The following PRSS23 variants were observed in gnomAD, a reference collection of about 807,000 sequenced individuals.
PRSS23 encodes the protein serine protease 23.
Under a neutral mutation model 34.7 loss-of-function variants are expected in PRSS23, and 25 were observed. The observed-to-expected ratio is 0.72, with a 90% CI of 0.53 to 1.01. PRSS23 has a LOEUF of 1.01. Ranked by LOEUF, PRSS23 falls within the 50% of genes least tolerant of loss-of-function variation. PRSS23 has a pLI of 0.00. For synonymous variants in PRSS23, 176 were observed against 186.6 expected (o/e 0.94, Z 0.46); for missense variants, 445 against 475.6 (o/e 0.94, Z 0.60).
chr11:86,886,981 C>T (rs1224440103), intron 2 of PRSS23, among the ~76,000 whole-genome samples: 1 of 151,984 alleles, frequency 6.6e-6, no homozygotes, highest in Non-Finnish European at 1.5e-5. Context: ...TTCCCAAGAC[C>T]TAACATTAAG....
chr11:86,838,073 C>T (rs1565361708), intron 2 of PRSS23, among the ~76,000 whole-genome samples: 2 of 144,504 alleles, frequency 1.4e-5, no homozygotes, highest in African/African-American at 2.5e-5. Context: ...ACGGTACACT[C>T]TTTTTTTTTT....
chr11:86,897,840 C>T (rs759915875), intron 2 of PRSS23, among the ~76,000 whole-genome samples: 10 of 152,172 alleles, frequency 6.6e-5, no homozygotes, highest in Admixed American at 1.3e-4. Context: ...TTGCTCTTTG[C>T]GCTCAGCATC....
intron 2 of PRSS23, among the ~76,000 whole-genome samples, chr11:86,890,691 G>A (rs1195804390): frequency 6.6e-6 from 1 of 152,234 alleles, no homozygotes; most frequent in Non-Finnish European, 1.5e-5. Context: ...AGGTTGCCAG[G>A]TGGAGGTCAT....
At chr11:86,824,053 G>C (rs888551395) in intron 2 of PRSS23, among the ~76,000 whole-genome samples, 1 of 149,640 alleles carries the variant, frequency 6.7e-6, no homozygotes, top group African/African-American at 2.4e-5. Context: ...AAGGGGCTTT[G>C]GTGAAGAGAA....
chr11:86,853,321 C>A (rs1399944852), intron 2 of PRSS23, among the ~76,000 whole-genome samples: 1 of 125,700 alleles, frequency 8.0e-6, no homozygotes, highest in Non-Finnish European at 1.6e-5. Flanking sequence ...GTGGCACAAT[C>A]TGGGCTCACC....
chr11:86,810,290 G>A lies in PRSS23; in HGVS notation c.*1495G>A, dbSNP rs1477331696. 1 of 166,446 alleles carries A rather than the reference G, an allele frequency of 6.0e-6. No individual in the cohort carries two copies. The highest frequency in any genetic ancestry group is 6.5e-5 in the Admixed American group (1 of 15,284). The allele number at this position is 166,446 out of a possible 1,614,324, so 10.3% of individuals were successfully genotyped here. A position where few individuals can be genotyped will look rare whatever the true frequency, so the allele number is the denominator to read the frequency against. Reference sequence around the variant, plus strand: ...CTTGCACCCCAGGTAAACCTGCATTGTAGCAATTTGTAAGGATATTCAGAT... The same window carrying A: ...CTTGCACCCCAGGTAAACCTGCATTATAGCAATTTGTAAGGATATTCAGAT... On this transcript the variant is annotated 3_prime_UTR_variant, in exon 2 of 2. Coordinates refer to ENST00000280258, the MANE Select transcript of PRSS23 (RefSeq NM_007173.6).
At chr11:86,856,429 A>G (rs1042085140) in intron 2 of PRSS23, among the ~76,000 whole-genome samples, 1 of 152,142 alleles carries the variant, frequency 6.6e-6, no homozygotes, top group African/African-American at 2.4e-5. Flanking sequence ...GGTGATTTCA[A>G]TCAAAGCCAA....
intron 2 of PRSS23, chr11:86,948,000 T>C (rs1404696760): frequency 1.3e-5 from 2 of 152,270 alleles, no homozygotes; most frequent in African/African-American, 4.8e-5. Context: ...AAGCCCTGAA[T>C]TGCCGGCAAA....
At chr11:86,804,030 C>T (rs1939110) in intron 1 of PRSS23, among the ~76,000 whole-genome samples, 51,424 of 151,942 alleles carry the variant, frequency 0.34, 9,369 homozygotes, top group African/African-American at 0.44. Context: ...CCTGGACTTA[C>T]GTGATTCTGG....
intron 2 of PRSS23, among the ~76,000 whole-genome samples, chr11:86,840,290 C>A (rs1260427265): frequency 6.6e-6 from 1 of 151,296 alleles, no homozygotes; most frequent in Non-Finnish European, 1.5e-5. Flanking sequence ...AACAAACAAA[C>A]AAACAAAAAA....
intron 2 of PRSS23, among the ~76,000 whole-genome samples, chr11:86,826,072 G>T (rs1487604744): frequency 6.6e-6 from 1 of 152,086 alleles, no homozygotes; most frequent in African/African-American, 2.4e-5. Flanking sequence ...ACCTTGGGCC[G>T]TATGGCCATT....
chr11:86,818,455 G>A (rs986951251), intron 1 of PRSS23, among the ~76,000 whole-genome samples: 3 of 152,076 alleles, frequency 2.0e-5, no homozygotes, highest in African/African-American at 7.2e-5. Context: ...TTTAGTAAGT[G>A]TTTCCGACCA....
chr11:86,942,977 G>A (rs1487860841), intron 2 of PRSS23, among the ~76,000 whole-genome samples: 1 of 152,230 alleles, frequency 6.6e-6, no homozygotes, highest in Non-Finnish European at 1.5e-5. Flanking sequence ...TCAAGAGTCA[G>A]CTCAACTTTA....
chr11:86,798,486 T>C (rs139565532), upstream of PRSS23, among the ~76,000 whole-genome samples: 15 of 152,322 alleles, frequency 9.8e-5, no homozygotes, highest in South Asian at 4.2e-4. Context: ...TGAGTCTGCA[T>C]TGGGCACCTC....
intron 1 of PRSS23, among the ~76,000 whole-genome samples, chr11:86,820,873 TACCCA>T (rs1394515510): frequency 2.6e-5 from 4 of 152,326 alleles, no homozygotes; most frequent in South Asian, 4.1e-4. Context: ...GCAGCAATTT[TACCCA>T]ACTGTAAATT....
At chr11:86,934,901 C>G (rs1023351036) in intron 2 of PRSS23, 2 of 152,234 alleles carry the variant, frequency 1.3e-5, no homozygotes, top group Non-Finnish European at 2.9e-5. Flanking sequence ...ATTACTTTTT[C>G]TAGGAGTTCA....
chr11:86,924,971 C>A (rs983696514), intron 2 of PRSS23: 1 of 152,194 alleles, frequency 6.6e-6, no homozygotes, highest in Admixed American at 6.6e-5. Context: ...AAGACTTTAA[C>A]TCACCGAGGG....
chr11:86,811,812 A>G (rs1948180523), downstream of PRSS23, among the ~76,000 whole-genome samples: 1 of 152,098 alleles, frequency 6.6e-6, no homozygotes. Flanking sequence ...GTTAAGAATG[A>G]CTAAGCCTGC....
intron 2 of PRSS23, among the ~76,000 whole-genome samples, chr11:86,829,938 G>A (rs965637811): frequency 1.3e-5 from 2 of 152,326 alleles, no homozygotes; most frequent in Admixed American, 6.5e-5. Flanking sequence ...GGGTGTCAGG[G>A]GTCAGGGACC....
Sources: allele counts gnomAD v4.1 joint callset (sites outside exome capture counted in the v4.1 genomes callset), GRCh38; gene constraint gnomAD v4.1.1; transcripts MANE v1.5; gene names NCBI Gene and HGNC (gene_info 2026-07-23, HGNC 2026-07-21).